ATP2B1: variants seen among roughly 807,000 people sequenced by gnomAD.
ATP2B1 encodes plasma membrane calcium-transporting ATPase 1.
ATP2B1 carries 14 observed loss-of-function variants against 124.2 expected under a neutral mutation model. The ratio of observed to expected loss-of-function variants is 0.11; its 90% CI spans 0.07 to 0.18. The LOEUF (loss-of-function observed/expected upper bound fraction) is 0.18. Ranked by LOEUF, ATP2B1 falls within the 10% of genes least tolerant of loss-of-function variation. The pLI is 1.00. For missense variants in ATP2B1, 763 were observed against 1,466.1 expected (o/e 0.52, Z 7.83); for synonymous variants, 449 against 492.4 (o/e 0.91, Z 1.17).
chr12:89,651,940 A>G (rs898531332), intron 2 of ATP2B1, among the ~76,000 whole-genome samples: 11 of 152,196 alleles, frequency 7.2e-5, no homozygotes, highest in Non-Finnish European at 1.5e-5. Flanking sequence ...TATGGCACAA[A>G]AAGTGTTACC....
At chr12:89,705,077 C>T (rs926012511) in intron 1 of ATP2B1, among the ~76,000 whole-genome samples, 2 of 152,086 alleles carry the variant, frequency 1.3e-5, no homozygotes, top group South Asian at 4.1e-4. Flanking sequence ...ATTCTCTCTA[C>T]TTTCCTATGT....
chr12:89,657,698 C>G (rs1886124937), intron 1 of ATP2B1, among the ~76,000 whole-genome samples: 1 of 152,138 alleles, frequency 6.6e-6, no homozygotes, highest in African/African-American at 2.4e-5. Flanking sequence ...TAGATTCAGG[C>G]AGATTAAGGT....
At position 89,690,452 on chromosome 12, in the gene ATP2B1, T is replaced by G. The variant is rs767954288; in HGVS notation, c.-222+18144A>C. On this transcript the variant is annotated intron_variant, in intron 1 of 20. Transcript: ENST00000428670. ...AAAAATTATATCACAAATACTGTTG[T>G]TTATCAGAGGCAAGGCAATAAAGTG... Among the ~76,000 whole-genome samples the G allele has an allele frequency of 4.3e-4, 66 of 151,960 alleles. 1 individual carries two copies. The highest frequency in any genetic ancestry group is 1.3e-4 in the Admixed American group (2 of 15,232).
chr12:89,619,108 C>T (rs1879503612), intron 11 of ATP2B1, among the ~76,000 whole-genome samples: 2 of 151,976 alleles, frequency 1.3e-5, no homozygotes, highest in Non-Finnish European at 2.9e-5. Flanking sequence ...ATTAAAGCTA[C>T]TGATCTGTAA....
intron 1 of ATP2B1, among the ~76,000 whole-genome samples, chr12:89,681,727 T>C (rs893709875): frequency 1.3e-5 from 2 of 152,182 alleles, no homozygotes; most frequent in Non-Finnish European, 2.9e-5. Context: ...CAGGAATATA[T>C]AGTCCAATAT....
At chr12:89,599,078 G>T in intron 20 of ATP2B1, 39 bp downstream of exon 20, 1 of 1,592,208 alleles carries the variant, frequency 6.3e-7, no homozygotes, top group Non-Finnish European at 8.6e-7. Flanking sequence ...AAAAGCCCTG[G>T]CTCCCATCAT....
chr12:89,702,590 C>T (rs559135296), intron 1 of ATP2B1, among the ~76,000 whole-genome samples: 1 of 152,248 alleles, frequency 6.6e-6, no homozygotes, highest in South Asian at 2.1e-4. Context: ...GTCAAATCTT[C>T]TTTAAGACCT....
chr12:89,605,418 C>T (rs2135957206), intron 15 of ATP2B1, among the ~76,000 whole-genome samples: 1 of 152,116 alleles, frequency 6.6e-6, no homozygotes, highest in Middle Eastern at 3.4e-3. Flanking sequence ...TCAAGAGTGA[C>T]ATCATTATAA....
At chr12:89,638,576 T>C (rs1883043345) in intron 3 of ATP2B1, among the ~76,000 whole-genome samples, 1 of 152,220 alleles carries the variant, frequency 6.6e-6, no homozygotes, top group Non-Finnish European at 1.5e-5. Context: ...AGCTGGGCAT[T>C]AAAGAGATAT....
chr12:89,687,004 T>C (rs1041386992), intron 1 of ATP2B1, among the ~76,000 whole-genome samples: 2 of 152,024 alleles, frequency 1.3e-5, no homozygotes. Context: ...ATAGAAAATA[T>C]TCGGGGGGAA....
intron 15 of ATP2B1, among the ~76,000 whole-genome samples, chr12:89,606,086 C>T (rs1330429750): frequency 2.7e-5 from 1 of 36,426 alleles, no homozygotes; most frequent in Non-Finnish European, 5.7e-5. Flanking sequence ...CAGGTTGAAA[C>T]AGCATTTACA....
At chr12:89,662,221 T>C (rs1310492584) in intron 1 of ATP2B1, among the ~76,000 whole-genome samples, 3 of 151,910 alleles carry the variant, frequency 2.0e-5, no homozygotes, top group African/African-American at 7.3e-5. Context: ...CCTTCTTACA[T>C]AGTCACTTTC....
intron 5 of ATP2B1, among the ~76,000 whole-genome samples, chr12:89,631,601 C>T (rs949728189): frequency 5.9e-5 from 9 of 152,108 alleles, no homozygotes; most frequent in African/African-American, 1.2e-4. Flanking sequence ...TCTGATTCTT[C>T]GTTGCCTACT....
At chr12:89,651,929 A>G (rs1885305954) in intron 2 of ATP2B1, among the ~76,000 whole-genome samples, 1 of 152,224 alleles carries the variant, frequency 6.6e-6, no homozygotes, top group Non-Finnish European at 1.5e-5. Context: ...CTAATAGCCA[A>G]TATGGCACAA....
intron 1 of ATP2B1, among the ~76,000 whole-genome samples, chr12:89,707,480 T>G (rs955153626): frequency 6.6e-6 from 1 of 152,102 alleles, no homozygotes; most frequent in Non-Finnish European, 1.5e-5. Context: ...TGTAGCTAAT[T>G]TATCACGAAC....
Position 89,626,444 on chromosome 12 carries a change from T to C in ATP2B1, c.1129+10A>G. ...AAATAAAACACTTTATTTTCTTCTCTATATCATACCTGCTTTGCCAATCTG... is the reference window on the plus strand; with the variant it reads ...AAATAAAACACTTTATTTTCTTCTCCATATCATACCTGCTTTGCCAATCTG... On this transcript the variant is annotated intron_variant, in intron 8 of 20. Transcript: ENST00000428670. 1 of 1,593,064 alleles carries C rather than the reference T, an allele frequency of 6.3e-7. No individual in the cohort carries two copies. The highest frequency in any genetic ancestry group is 8.5e-7 in the Non-Finnish European group (1 of 1,173,252).
Position 89,635,351 on chromosome 12 carries a change from T to C in ATP2B1, c.407-100A>G, listed in dbSNP as rs1882532375. ...CATATTTTTGTGTTAATTATGTTTA[T>C]CAATTTTACTTATAGCAATAAATAC... On this transcript the variant is annotated intron_variant, in intron 3 of 20. Coordinates refer to ENST00000428670, the MANE Select transcript of ATP2B1 (RefSeq NM_001366521.1). The C allele has an allele frequency of 1.7e-5, 22 of 1,323,696 alleles. No individual in the cohort carries two copies. The South Asian group carries it at 3.1e-4, about 19-fold the overall frequency. 82.0% of individuals were successfully genotyped at this position (1,323,696 alleles called of 1,614,324 possible).
chr12:89,679,412 C>T (rs1324037440), intron 1 of ATP2B1, among the ~76,000 whole-genome samples: 1 of 152,102 alleles, frequency 6.6e-6, no homozygotes, highest in Admixed American at 6.6e-5. Context: ...CACTTCATAC[C>T]GTTGGAATCA....
At chr12:89,597,882 C>A (rs1874951193) in intron 20 of ATP2B1, among the ~76,000 whole-genome samples, 1 of 151,776 alleles carries the variant, frequency 6.6e-6, no homozygotes, top group Admixed American at 6.6e-5. Flanking sequence ...ACTTTTCCTA[C>A]TTCTACTGAA....
Sources: gnomAD v4.1 joint callset for allele counts (sites outside exome capture counted in the v4.1 genomes callset) on GRCh38, gnomAD v4.1.1 for gene constraint, MANE v1.5 for transcripts, NCBI Gene and HGNC (gene_info 2026-07-23, HGNC 2026-07-21) for gene names.